Variants in CYP39A1 observed in about 807,000 individuals in gnomAD.
CYP39A1 encodes cytochrome P450 family 39 subfamily A member 1.
In CYP39A1, 49 loss-of-function variants were observed where a neutral mutation model predicts 58.1. The observed-to-expected ratio is 0.84, with a 90% CI of 0.67 to 1.07. CYP39A1 has a LOEUF of 1.07. Among genes scored for constraint, CYP39A1 ranks in the 50% least tolerant of loss-of-function variants. The pLI, the probability that CYP39A1 is intolerant of heterozygous loss-of-function variation, is 0.00. For missense variants in CYP39A1, 531 were observed against 539.4 expected (o/e 0.98, Z 0.16); for synonymous variants, 209 against 187.6 (o/e 1.11, Z -0.93).
chr6:46,631,537 C>T lies in CYP39A1; in HGVS notation c.733-467G>A, dbSNP rs73471119. On this transcript the variant is annotated intron_variant, in intron 5 of 11. Coordinates refer to ENST00000275016, the MANE Select transcript of CYP39A1 (RefSeq NM_016593.5). ...TGTGTGTTATTATCTCTGCCCTCCACACTGCTCTGGAATCCCTGTCTTATA... is the reference window on the plus strand; with the variant it reads ...TGTGTGTTATTATCTCTGCCCTCCATACTGCTCTGGAATCCCTGTCTTATA... Among the ~76,000 whole-genome samples the T allele has an allele frequency of 5.5e-3, 845 of 152,320 alleles. 8 individuals are homozygous for T. The highest frequency in any genetic ancestry group is 0.019 in the African/African-American group (799 of 41,556).
intron 10 of CYP39A1, among the ~76,000 whole-genome samples, chr6:46,554,334 A>G (rs919776075): frequency 6.6e-6 from 1 of 152,180 alleles, no homozygotes; most frequent in Non-Finnish European, 1.5e-5. Flanking sequence ...ATGATCACAG[A>G]AGGCTCTATT....
At position 46,638,239 on chromosome 6, in the gene CYP39A1, T is replaced by A. The variant is rs150394595; in HGVS notation, c.489-261A>T. 7.9e-4 allele frequency among the ~76,000 whole-genome samples: 121 copies of A among 152,288 alleles called. 1 individual carries two copies. Among genetic ancestry groups the A allele is most frequent in the African/African-American group, 2.6e-3 (110 of 41,546 alleles). ...AACAAGCTTATTAGACTCTGACAAA[T>A]ATGAGATAATAAATAAACTGATCTA... On this transcript the variant is annotated intron_variant, in intron 3 of 11. Coordinates refer to ENST00000275016, the MANE Select transcript of CYP39A1 (RefSeq NM_016593.5).
chr6:46,637,168 C>T (rs773433547), intron 4 of CYP39A1, among the ~76,000 whole-genome samples: 11 of 152,110 alleles, frequency 7.2e-5, no homozygotes, highest in Non-Finnish European at 1.2e-4. Context: ...CATGCTGGCC[C>T]GCTCATTTCA....
chr6:46,627,820 A>G (rs1296991147), intron 6 of CYP39A1, among the ~76,000 whole-genome samples: 1 of 152,226 alleles, frequency 6.6e-6, no homozygotes, highest in African/African-American at 2.4e-5. Flanking sequence ...ATAGTTAATA[A>G]AAGTTTATAT....
intron 3 of CYP39A1, 149 bp downstream of exon 3, chr6:46,639,342 AAAT>A: frequency 1.2e-5 from 8 of 671,120 alleles, no homozygotes; most frequent in African/African-American, 2.1e-5. Context: ...TCTCAAAAAA[AAAT>A]AATTTAAAAG....
intron 8 of CYP39A1, among the ~76,000 whole-genome samples, chr6:46,594,907 ATCT>A (rs1263425116): frequency 6.6e-6 from 1 of 152,016 alleles, no homozygotes; most frequent in Non-Finnish European, 1.5e-5. Context: ...CAGGCCATAC[ATCT>A]GACAAGAGGT....
At chr6:46,586,091 T>C (rs541275511) in intron 10 of CYP39A1, among the ~76,000 whole-genome samples, 2 of 152,136 alleles carry the variant, frequency 1.3e-5, no homozygotes. Flanking sequence ...ATTTCCATGA[T>C]TGGCTATGAC....
intron 11 of CYP39A1, among the ~76,000 whole-genome samples, chr6:46,552,314 A>C (rs949516820): frequency 3.3e-5 from 5 of 152,208 alleles, no homozygotes; most frequent in African/African-American, 1.2e-4. Context: ...ACAATATAGC[A>C]GGTAGCTGAG....
intron 7 of CYP39A1, among the ~76,000 whole-genome samples, chr6:46,617,876 CT>C (rs1774708388): frequency 6.6e-6 from 1 of 152,152 alleles, no homozygotes. Flanking sequence ...CTACTCCTAT[CT>C]TGTAGGGCAA....
chr6:46,562,398 C>A (rs1771029201), intron 10 of CYP39A1, among the ~76,000 whole-genome samples: 2 of 152,040 alleles, frequency 1.3e-5, no homozygotes, highest in African/African-American at 4.8e-5. Context: ...AACAGCTTAA[C>A]TTGGCCATTT....
At chr6:46,576,870 T>C (rs547600425) in intron 10 of CYP39A1, among the ~76,000 whole-genome samples, 1 of 152,322 alleles carries the variant, frequency 6.6e-6, no homozygotes, top group South Asian at 2.1e-4. Flanking sequence ...CTACAACTTA[T>C]TGGCATTCCT....
intron 10 of CYP39A1, chr6:46,583,484 T>A (rs1443568020): frequency 1.0e-6 from 1 of 985,262 alleles, no homozygotes; most frequent in East Asian, 1.1e-4. Flanking sequence ...TCGTATAGTT[T>A]AATGTGAGAC....
At chr6:46,554,170 C>T (rs1770551969) in intron 10 of CYP39A1, among the ~76,000 whole-genome samples, 1 of 152,132 alleles carries the variant, frequency 6.6e-6, no homozygotes, top group African/African-American at 2.4e-5. Context: ...ATACAAGTGG[C>T]TATTTCAATT....
chr6:46,553,356 T>C (rs1283381822), intron 11 of CYP39A1, among the ~76,000 whole-genome samples: 1 of 152,234 alleles, frequency 6.6e-6, no homozygotes, highest in South Asian at 2.1e-4. Context: ...TTTTTTTCCA[T>C]GCTGTTCCTT....
chr6:46,605,943 G>A (rs576780251), intron 7 of CYP39A1, among the ~76,000 whole-genome samples: 22 of 152,100 alleles, frequency 1.4e-4, no homozygotes, highest in Admixed American at 7.9e-4. Flanking sequence ...ATAGGATGCC[G>A]AAAAGAAGTA....
In CYP39A1 at chr6:46,636,121, TATG is replaced by T. The variant is rs1459293103; in HGVS notation, c.732+265_732+267del. On this transcript the variant is annotated intron_variant, in intron 5 of 11. Coordinates refer to ENST00000275016, the MANE Select transcript of CYP39A1 (RefSeq NM_016593.5). ...CTGTCGCTATTGACACAGCCAACTG[TATG>T]ATAACACAGAAATCAATACGGAACA... Among the ~76,000 whole-genome samples the T allele has an allele frequency of 1.1e-4, 16 of 152,344 alleles. No homozygotes were observed. The East Asian group carries it at 3.1e-3, about 29-fold the overall frequency.
intron 2 of CYP39A1, among the ~76,000 whole-genome samples, chr6:46,640,876 G>A (rs577770343): frequency 1.7e-4 from 26 of 149,200 alleles, no homozygotes; most frequent in Non-Finnish European, 2.5e-4. Context: ...ATCCTATTAC[G>A]TGTAAGATAC....
intron 10 of CYP39A1, among the ~76,000 whole-genome samples, chr6:46,571,730 A>G (rs1041987825): frequency 1.3e-5 from 2 of 152,004 alleles, no homozygotes; most frequent in South Asian, 2.1e-4. Flanking sequence ...TTACATGCAA[A>G]GTAATTAATT....
chr6:46,591,543 A>T (rs1772836660), intron 8 of CYP39A1, among the ~76,000 whole-genome samples: 1 of 152,070 alleles, frequency 6.6e-6, no homozygotes, highest in African/African-American at 2.4e-5. Flanking sequence ...AGCATGTAAG[A>T]GGTTTTTGTT....
Sources: gnomAD v4.1 joint callset for allele counts (sites outside exome capture counted in the v4.1 genomes callset) on GRCh38, gnomAD v4.1.1 for gene constraint, MANE v1.5 for transcripts, NCBI Gene and HGNC (gene_info 2026-07-23, HGNC 2026-07-21) for gene names.